PCDH15: variants seen among roughly 807,000 people sequenced by gnomAD.
PCDH15 encodes the protein protocadherin related 15, also known as protocadherin-15.
Under a neutral mutation model 178.5 loss-of-function variants are expected in PCDH15, and 129 were observed. That is an observed-to-expected ratio of 0.72 (90% CI 0.63 to 0.84). The LOEUF is 0.84. Ranked by LOEUF, PCDH15 falls within the 40% of genes least tolerant of loss-of-function variation. The pLI is 0.00. For missense variants in PCDH15, 2,230 were observed against 2,099.9 expected (o/e 1.06, Z -1.21); for synonymous variants, 800 against 732.0 (o/e 1.09, Z -1.50).
At chr10:54,520,306 C>T (rs1314181142) in intron 3 of PCDH15, among the ~76,000 whole-genome samples, 2 of 152,008 alleles carry the variant, frequency 1.3e-5, no homozygotes, top group Non-Finnish European at 2.9e-5. Flanking sequence ...ATTTTTGCAA[C>T]CTACTCATCT....
At chr10:53,850,349 T>A (rs529757501) in intron 28 of PCDH15, among the ~76,000 whole-genome samples, 17 of 152,276 alleles carry the variant, frequency 1.1e-4, no homozygotes, top group African/African-American at 4.1e-4. Flanking sequence ...ATTGTATAAT[T>A]GCATATTGGG....
intron 2 of PCDH15, among the ~76,000 whole-genome samples, chr10:54,617,464 T>A (rs1301167266): frequency 2.0e-5 from 3 of 152,116 alleles, no homozygotes; most frequent in Admixed American, 6.6e-5. Flanking sequence ...TTTTACTATA[T>A]GTATATGGAA....
At chr10:55,355,164 A>T (rs1255572788) in intron 2 of PCDH15, among the ~76,000 whole-genome samples, 2 of 151,992 alleles carry the variant, frequency 1.3e-5, no homozygotes, top group Non-Finnish European at 1.5e-5. Flanking sequence ...ACTGCTGGAC[A>T]TTTAAATTGT....
chr10:54,118,520 C>T (rs892634010), intron 15 of PCDH15, among the ~76,000 whole-genome samples: 8 of 151,868 alleles, frequency 5.3e-5, no homozygotes, highest in Admixed American at 6.6e-5. Flanking sequence ...ATTAGCCAGG[C>T]GTGGTGGCAG....
At chr10:54,379,037 G>A in intron 3 of PCDH15, 95 bp from the exon 4 acceptor site, 4 of 1,390,856 alleles carry the variant, frequency 2.9e-6, no homozygotes, top group South Asian at 1.2e-5. Context: ...CTCACAATCA[G>A]TTTTAAAGCT....
chr10:54,469,579 C>T (rs1214358539), intron 3 of PCDH15, among the ~76,000 whole-genome samples: 1 of 152,118 alleles, frequency 6.6e-6, no homozygotes, highest in Non-Finnish European at 1.5e-5. Context: ...AGTCTTTGGC[C>T]CCCATTGGCG....
chr10:54,597,952 A>C (rs1267089883), intron 2 of PCDH15, among the ~76,000 whole-genome samples: 1 of 152,158 alleles, frequency 6.6e-6, no homozygotes, highest in East Asian at 1.9e-4. Context: ...TAAATCCCTG[A>C]AGATAACTAT....
intron 1 of PCDH15, among the ~76,000 whole-genome samples, chr10:55,215,958 TAAG>T (rs751466822): frequency 1.3e-5 from 2 of 151,924 alleles, no homozygotes; most frequent in Non-Finnish European, 2.9e-5. Flanking sequence ...GAGAAAGCAT[TAAG>T]AAGAGATATT....
intron 2 of PCDH15, among the ~76,000 whole-genome samples, chr10:55,371,956 G>A (rs947470720): frequency 1.3e-5 from 2 of 152,030 alleles, no homozygotes; most frequent in African/African-American, 4.8e-5. Flanking sequence ...AAAGTCCAAG[G>A]TAATTTCTCT....
chr10:55,381,569 C>T (rs992614090), intron 2 of PCDH15, among the ~76,000 whole-genome samples: 2 of 152,028 alleles, frequency 1.3e-5, no homozygotes, highest in Non-Finnish European at 2.9e-5. Flanking sequence ...GGGTATGGGC[C>T]TCCAAATCAC....
chr10:55,233,254 A>G (rs1841278355), intron 1 of PCDH15, among the ~76,000 whole-genome samples: 1 of 152,130 alleles, frequency 6.6e-6, no homozygotes, highest in African/African-American at 2.4e-5. Flanking sequence ...TCTCCTTTAT[A>G]TACAAAAGCT....
intron 2 of PCDH15, among the ~76,000 whole-genome samples, chr10:54,948,925 T>C (rs542124215): frequency 2.0e-3 from 301 of 152,090 alleles, no homozygotes; most frequent in Middle Eastern, 3.4e-3. Flanking sequence ...CGACACAGTA[T>C]ATGTTAGCCT....
chr10:55,222,905 G>A (rs118067452), intron 1 of PCDH15, among the ~76,000 whole-genome samples: 9,087 of 151,538 alleles, frequency 0.06, 342 homozygotes, highest in Non-Finnish European at 0.089. Flanking sequence ...ACAAATTATA[G>A]TGAAATCTTT....
chr10:54,976,337 T>A (rs963005717), intron 2 of PCDH15, among the ~76,000 whole-genome samples: 1 of 152,082 alleles, frequency 6.6e-6, no homozygotes, highest in Non-Finnish European at 1.5e-5. Context: ...GAGACCATGG[T>A]ATTGTAGTTA....
intron 2 of PCDH15, among the ~76,000 whole-genome samples, chr10:55,625,964 A>G (rs1425509067): frequency 3.9e-5 from 6 of 152,162 alleles, no homozygotes; most frequent in Admixed American, 3.9e-4. Context: ...GCCTAGGCAT[A>G]CGTAGTATAT....
chr10:54,462,520 T>C (rs1319367344), intron 3 of PCDH15, among the ~76,000 whole-genome samples: 1 of 126,126 alleles, frequency 7.9e-6, no homozygotes, highest in Non-Finnish European at 1.7e-5. Context: ...TTCTTTTTTT[T>C]TTTTTTTTTT....
At chr10:54,848,380 C>T (rs1953550301) in intron 3 of PCDH15, among the ~76,000 whole-genome samples, 1 of 58,216 alleles carries the variant, frequency 1.7e-5, no homozygotes, top group South Asian at 8.8e-4. Context: ...AAAACTCCAT[C>T]TCAAAAAAAA....
chr10:54,360,855 A>G (rs1486164437), intron 5 of PCDH15, among the ~76,000 whole-genome samples: 1 of 152,102 alleles, frequency 6.6e-6, no homozygotes, highest in African/African-American at 2.4e-5. Flanking sequence ...GTTGATTTGA[A>G]TTGACAAATT....
intron 2 of PCDH15, among the ~76,000 whole-genome samples, chr10:55,473,840 G>A (rs1036352647): frequency 1.1e-4 from 16 of 152,048 alleles, no homozygotes; most frequent in Admixed American, 7.9e-4. Context: ...TATTTATTAA[G>A]AAGTCACTGC....
Sources: gnomAD v4.1 joint callset for allele counts (sites outside exome capture counted in the v4.1 genomes callset) on GRCh38, gnomAD v4.1.1 for gene constraint, MANE v1.5 for transcripts, NCBI Gene and HGNC (gene_info 2026-07-23, HGNC 2026-07-21) for gene names.